TRIP12: variants seen among roughly 807,000 people sequenced by gnomAD.
TRIP12 encodes E3 ubiquitin-protein ligase TRIP12.
A neutral mutation model predicts 244.2 loss-of-function variants in TRIP12; 25 were observed. That is an observed-to-expected ratio of 0.10 (90% CI 0.07 to 0.14). The LOEUF is 0.14. TRIP12 is among the 10% of genes least tolerant of loss of function. TRIP12 has a pLI of 1.00. For missense variants in TRIP12, 1,677 were observed against 2,486.4 expected, an observed-to-expected ratio of 0.67 and a Z score of 6.92; for synonymous variants, 905 against 873.1, an observed-to-expected ratio of 1.04 and a Z score of -0.64.
intron 2 of TRIP12, among the ~76,000 whole-genome samples, chr2:229,869,092 C>T (rs924193231): frequency 1.3e-5 from 2 of 152,212 alleles, no homozygotes; most frequent in African/African-American, 4.8e-5. Flanking sequence ...TACCACTGAC[C>T]TGGACAGACA....
At chr2:229,807,194 T>A (rs1200891454) in intron 17 of TRIP12, 2 of 155,572 alleles carry the variant, frequency 1.3e-5, no homozygotes, top group African/African-American at 2.4e-5. Context: ...GTGTTTTTCA[T>A]TCATATTTGA....
At chr2:229,775,791 A>G (rs2036054206) in intron 37 of TRIP12, among the ~76,000 whole-genome samples, 1 of 151,686 alleles carries the variant, frequency 6.6e-6, no homozygotes, top group East Asian at 2.0e-4. Flanking sequence ...CTGTATATAT[A>G]CTTTATTAAA....
chr2:229,789,577 C>A (rs764268360), intron 31 of TRIP12, 34 bp downstream of exon 31: 6 of 1,598,970 alleles, frequency 3.8e-6, no homozygotes, highest in South Asian at 2.3e-5. Flanking sequence ...AATCACAGAC[C>A]ATGAAAACTT....
chr2:229,780,362 G>A (rs1399376259), intron 34 of TRIP12, among the ~76,000 whole-genome samples: 7 of 152,132 alleles, frequency 4.6e-5, no homozygotes. Context: ...TCTGTCATCT[G>A]GTCCACTGCT....
intron 8 of TRIP12, among the ~76,000 whole-genome samples, chr2:229,828,422 A>C (rs1006405047): frequency 6.6e-6 from 1 of 152,130 alleles, no homozygotes; most frequent in African/African-American, 2.4e-5. Context: ...CAAACAAACA[A>C]AAATCAGGTA....
intron 1 of TRIP12, among the ~76,000 whole-genome samples, chr2:229,904,516 A>C (rs1043384803): frequency 9.2e-5 from 14 of 152,270 alleles, no homozygotes; most frequent in African/African-American, 3.4e-4. Context: ...AGAACTAATA[A>C]TGCAACAGGA....
rs183936215 is a variant in TRIP12, at chr2:229,905,481, C to G, written c.-50+16399G>C. Among the ~76,000 whole-genome samples, 8 of 151,454 alleles carry G rather than the reference C, an allele frequency of 5.3e-5. No homozygotes were observed. The East Asian group carries it at 1.6e-3, about 30-fold the overall frequency. Reference sequence around the variant, plus strand: ...ACCCTCACTTGTAGAATAAGGCCCTCAGTTATTATACTGTCTTCTCTGCAG... The same window carrying G: ...ACCCTCACTTGTAGAATAAGGCCCTGAGTTATTATACTGTCTTCTCTGCAG... On this transcript the variant is annotated intron_variant, in intron 1 of 41. Coordinates refer to ENST00000675903, the MANE Select transcript of TRIP12 (RefSeq NM_001348323.3).
At position 229,778,616 on chromosome 2, in the gene TRIP12, AGAT is replaced by A; in HGVS notation, c.5210-32_5210-30del. 6.3e-7 allele frequency: 1 copy of A among 1,588,174 alleles called. No homozygotes were observed. The highest frequency in any genetic ancestry group is 8.6e-7 in the Non-Finnish European group (1 of 1,168,862). The stretch of plus-strand genomic sequence containing the variant: ...AAAAACAAGCAATGCAGCAAACTTC[AGAT>A]GATGTTTCCAAAAACAAAACAAAAC... On this transcript the variant is annotated intron_variant, in intron 35 of 41. Transcript: ENST00000675903. The surrounding 1 kb of genome is among the most constrained non-coding windows in gnomAD (Gnocchi z 4.1).
At chr2:229,790,975 T>C in intron 30 of TRIP12, 149 bp downstream of exon 30, 1 of 1,010,464 alleles carries the variant, frequency 9.9e-7, no homozygotes, top group Non-Finnish European at 1.4e-6. Flanking sequence ...AAGTTGAGGA[T>C]TAAATGTGAT....
intron 1 of TRIP12, among the ~76,000 whole-genome samples, chr2:229,901,322 G>A (rs2070742237): frequency 1.3e-5 from 2 of 151,788 alleles, no homozygotes; most frequent in Admixed American, 6.6e-5. Flanking sequence ...CTTTGGCCAG[G>A]CGCAGTGGCT....
intron 1 of TRIP12, among the ~76,000 whole-genome samples, chr2:229,916,100 C>T (rs1411850849): frequency 6.6e-6 from 1 of 152,166 alleles, no homozygotes; most frequent in Admixed American, 6.5e-5. Context: ...GAGAAAGGGC[C>T]TTGTGTTCCA....
chr2:229,772,911 A>T (rs888319211), intron 38 of TRIP12, among the ~76,000 whole-genome samples: 1 of 152,170 alleles, frequency 6.6e-6, no homozygotes, highest in Non-Finnish European at 1.5e-5. Flanking sequence ...TCTGACCTAA[A>T]TCCAATGCCC....
intron 2 of TRIP12, among the ~76,000 whole-genome samples, chr2:229,865,797 A>G (rs1016820300): frequency 2.0e-5 from 3 of 152,226 alleles, no homozygotes; most frequent in African/African-American, 4.8e-5. Flanking sequence ...ACCACTTTAA[A>G]TAAGTAACTC....
At chr2:229,834,591 C>G (rs1199549988) in intron 6 of TRIP12, among the ~76,000 whole-genome samples, 1 of 152,144 alleles carries the variant, frequency 6.6e-6, no homozygotes, top group African/African-American at 2.4e-5. Context: ...GAAACCCCTT[C>G]TGTACTAAAA....
At chr2:229,787,692 C>A (rs747314895) in intron 32 of TRIP12, 31 bp from the exon 33 acceptor site, 1 of 1,526,832 alleles carries the variant, frequency 6.5e-7, no homozygotes, top group East Asian at 2.4e-5. Context: ...AGTTTATTAT[C>A]TGGATGAGAA....
intron 2 of TRIP12, among the ~76,000 whole-genome samples, chr2:229,878,807 C>T (rs191008571): frequency 6.6e-6 from 1 of 152,006 alleles, no homozygotes; most frequent in African/African-American, 2.4e-5. Flanking sequence ...TGGTCTCGAT[C>T]TCCTGACCTC....
intron 8 of TRIP12, among the ~76,000 whole-genome samples, chr2:229,827,553 G>A (rs1048937886): frequency 2.0e-5 from 3 of 152,088 alleles, no homozygotes; most frequent in Admixed American, 2.0e-4. Flanking sequence ...TGCACGGGAT[G>A]AAGATCATCG....
chr2:229,893,111 C>T (rs775511555), intron 1 of TRIP12, among the ~76,000 whole-genome samples: 1 of 152,146 alleles, frequency 6.6e-6, no homozygotes, highest in Non-Finnish European at 1.5e-5. Flanking sequence ...TTGCTCAATA[C>T]CTGTAAGTCC....
intron 1 of TRIP12, among the ~76,000 whole-genome samples, chr2:229,915,322 G>A (rs1402808182): frequency 3.3e-5 from 5 of 152,242 alleles, no homozygotes; most frequent in South Asian, 2.1e-4. Flanking sequence ...GTCAATTAAA[G>A]AGTAACAAAA....
Sources: allele counts gnomAD v4.1 joint callset (sites outside exome capture counted in the v4.1 genomes callset), GRCh38; gene constraint gnomAD v4.1.1; non-coding constraint Gnocchi (gnomAD v3.1); transcripts MANE v1.5; gene names NCBI Gene and HGNC (gene_info 2026-07-23, HGNC 2026-07-21).